The following MCM5 variants were observed in gnomAD, a reference collection of about 807,000 sequenced individuals.
The protein encoded by MCM5 is minichromosome maintenance complex component 5, also known as DNA replication licensing factor MCM5.
Under a neutral mutation model 79.9 loss-of-function variants are expected in MCM5, and 46 were observed. The observed-to-expected ratio is 0.58, with a 90% confidence interval of 0.45 to 0.74. MCM5 has a LOEUF of 0.74. Among genes scored for constraint, MCM5 ranks in the 30% least tolerant of loss-of-function variants. MCM5 has a pLI of 0.00. For synonymous variants in MCM5, 404 were observed against 390.5 expected (o/e 1.03, Z -0.41); for missense variants, 883 against 1,017.0 (o/e 0.87, Z 1.79).
At chr22:35,425,453 C>T (rs1274301332), downstream of MCM5, 2 of 152,162 alleles carry the variant, frequency 1.3e-5, no homozygotes, top group African/African-American at 4.8e-5. Flanking sequence ...ATTGTTGAAT[C>T]ACAAATGTAT....
chr22:35,427,265 T>C (rs77612179), downstream of MCM5, among the ~76,000 whole-genome samples: 952 of 152,342 alleles, frequency 6.2e-3, 24 homozygotes, highest in South Asian at 0.084. Context: ...TTATTGGAAA[T>C]AAAGATGGCC....
intron 12 of MCM5, 73 bp downstream of exon 12, chr22:35,416,887 A>C: frequency 1.5e-5 from 23 of 1,520,884 alleles, no homozygotes; most frequent in East Asian, 4.5e-5. Context: ...GGGAAGGAGA[A>C]TGGAGAACAA....
intron 16 of MCM5, 91 bp downstream of exon 16, chr22:35,423,432 C>T (rs1240941995): frequency 1.4e-6 from 2 of 1,409,656 alleles, no homozygotes; most frequent in African/African-American, 1.4e-5. Context: ...TCTTACTCAG[C>T]AGACAGGCCC....
At chr22:35,453,819 T>TATATATAGAGAGAGAGAGAGAGAG in the MCM5 span, among the ~76,000 whole-genome samples, 6 of 81,544 alleles carry the variant, frequency 7.4e-5, no homozygotes, top group African/African-American at 3.0e-4. Context: ...TATATATATA[T>TATATATAGAGAGAGAGAGAGAGAG]AGAGAGAGAG....
intron 9 of MCM5, 143 bp from the exon 10 acceptor site, chr22:35,415,686 G>T: frequency 2.3e-6 from 2 of 880,762 alleles, no homozygotes; most frequent in Non-Finnish European, 1.8e-6. Context: ...GCACTGAGTT[G>T]GAGCCTTGAG....
chr22:35,455,018 A>G, the MCM5 span, among the ~76,000 whole-genome samples: 10 of 151,852 alleles, frequency 6.6e-5, no homozygotes, highest in Non-Finnish European at 5.9e-5. Flanking sequence ...ATAATAATAG[A>G]TTATTTATAA....
intron 13 of MCM5, among the ~76,000 whole-genome samples, chr22:35,418,502 A>T (rs1932606531): frequency 1.3e-5 from 2 of 152,100 alleles, no homozygotes; most frequent in South Asian, 4.1e-4. Context: ...TCTACTAAAA[A>T]TACAAAAATT....
the MCM5 span, among the ~76,000 whole-genome samples, chr22:35,439,310 A>G: frequency 7.4e-6 from 1 of 134,580 alleles, no homozygotes; most frequent in African/African-American, 2.8e-5. Context: ...CATCCATCCA[A>G]CCACCCACCC....
the MCM5 span, among the ~76,000 whole-genome samples, chr22:35,438,615 TCATCCATCCATCCACCCACATATTCATC>T: frequency 9.1e-6 from 1 of 110,056 alleles, no homozygotes; most frequent in Admixed American, 9.4e-5. Context: ...ACCCACATAT[TCATCCATCCATCCACCCACATATTCATC>T]CATCCATCCA....
intron 14 of MCM5, among the ~76,000 whole-genome samples, chr22:35,420,784 C>A (rs1186175866): frequency 6.6e-6 from 1 of 152,178 alleles, no homozygotes; most frequent in Non-Finnish European, 1.5e-5. Flanking sequence ...CAACCTGGTA[C>A]AAAAGATGTC....
chr22:35,426,053 G>A (rs948691097), downstream of MCM5, among the ~76,000 whole-genome samples: 11 of 152,144 alleles, frequency 7.2e-5, no homozygotes, highest in Admixed American at 3.9e-4. Context: ...GCCTGGGGGA[G>A]GCAGGTGCCA....
chr22:35,407,366 C>G (rs931029005), intron 5 of MCM5, among the ~76,000 whole-genome samples: 1 of 152,154 alleles, frequency 6.6e-6, no homozygotes, highest in African/African-American at 2.4e-5. Flanking sequence ...CCTGATCCCC[C>G]GCGTCCACCC....
the MCM5 span, among the ~76,000 whole-genome samples, chr22:35,453,851 G>A: frequency 6.7e-6 from 1 of 148,580 alleles, no homozygotes; most frequent in Non-Finnish European, 1.5e-5. Context: ...GAGAGAGATA[G>A]GGAGAGGGAG....
chr22:35,421,727 T>TG (rs1277389277), intron 15 of MCM5: 3 of 507,136 alleles, frequency 5.9e-6, no homozygotes, highest in African/African-American at 5.8e-5. Flanking sequence ...CCCTTCTCAC[T>TG]GGCTAGGAAC....
At chr22:35,410,469 T>C in intron 6 of MCM5, 1 of 416,366 alleles carries the variant, frequency 2.4e-6, no homozygotes, top group Non-Finnish European at 4.6e-6. Context: ...TACAAATGAG[T>C]TAGCGAGTTC....
chr22:35,436,859 A>T, the MCM5 span, among the ~76,000 whole-genome samples: 1 of 71,744 alleles, frequency 1.4e-5, no homozygotes, highest in East Asian at 3.2e-4. Flanking sequence ...AAAGACGTTT[A>T]TCTGTGGGCC....
At chr22:35,403,687 T>C in intron 4 of MCM5, 145 bp downstream of exon 4, 1 of 1,057,596 alleles carries the variant, frequency 9.5e-7, no homozygotes, top group Non-Finnish European at 1.3e-6. Flanking sequence ...TTTGTTGTTT[T>C]TTGCTTTTTG....
chr22:35,404,603 C>T (rs1478673193), intron 4 of MCM5, among the ~76,000 whole-genome samples: 1 of 152,200 alleles, frequency 6.6e-6, no homozygotes. Flanking sequence ...TCCCTCCATC[C>T]ACTATGCTGA....
the MCM5 span, among the ~76,000 whole-genome samples, chr22:35,449,582 GTCCCAGCCGTGGCC>G: frequency 7.0e-4 from 37 of 52,698 alleles, no homozygotes; most frequent in Admixed American, 2.0e-3. Context: ...TGGCCTCTCT[GTCCCAGCCGTGGCC>G]CCTCTGTCCC....
Sources: allele counts gnomAD v4.1 joint callset (sites outside exome capture counted in the v4.1 genomes callset), GRCh38; gene constraint gnomAD v4.1.1; transcripts MANE v1.5; gene names NCBI Gene and HGNC (gene_info 2026-07-23, HGNC 2026-07-21).